Variants in PARP1 observed in about 807,000 individuals in gnomAD.
PARP1 encodes the protein poly [ADP-ribose] polymerase 1.
A neutral mutation model predicts 118.7 loss-of-function variants in PARP1; 44 were observed. That is an observed-to-expected ratio of 0.37 (90% CI 0.29 to 0.48). The LOEUF (loss-of-function observed/expected upper bound fraction) is 0.48. Among genes scored for constraint, PARP1 ranks in the 20% least tolerant of loss-of-function variants. PARP1 has a pLI of 0.99. For synonymous variants in PARP1, 492 were observed against 483.2 expected, an observed-to-expected ratio of 1.02 and a Z score of -0.24; for missense variants, 1,100 against 1,272.4, an observed-to-expected ratio of 0.86 and a Z score of 2.06.
rs777807405 is a variant in PARP1 at position 226,361,433 on chromosome 1, C to T, written c.*27G>A. The stretch of plus-strand genomic sequence containing the variant: ...TCGGGTGAATTCATACCAGAGCCAC[C>T]GGGTGTGACTCGGCTACCTCTCCCA... On this transcript the variant is annotated 3_prime_UTR_variant, in exon 23 of 23. Coordinates refer to ENST00000366794, the MANE Select transcript of PARP1 (RefSeq NM_001618.4). The T allele has an allele frequency of 1.1e-5, 17 of 1,503,226 alleles. No individual in the cohort carries two copies. The highest frequency in any genetic ancestry group is 1.4e-5 in the Non-Finnish European group (15 of 1,079,906). The allele number at this position is 1,503,226 out of a possible 1,614,324, so 93.1% of individuals were successfully genotyped here.
rs2102747095 is a variant in PARP1, at chr1:226,402,206, G to A, written c.286+8C>T. 2 of 1,614,206 alleles carry A rather than the reference G, an allele frequency of 1.2e-6. No individual in the cohort carries two copies. Among genetic ancestry groups the A allele is most frequent in the Non-Finnish European group, 8.5e-7 (1 of 1,180,034 alleles). On this transcript the variant is annotated splice_region_variant and intron_variant, in intron 2 of 22. Coordinates refer to ENST00000366794, the MANE Select transcript of PARP1 (RefSeq NM_001618.4). ...CTGAATGCCCATGCTGCCCCAGTAT[G>A]TACACACCTGTCACTCCTCCAGCTT...
At chr1:226,407,704 G>A (rs1665179853) in intron 1 of PARP1, 106 bp downstream of exon 1, 2 of 1,169,456 alleles carry the variant, frequency 1.7e-6, no homozygotes, top group Non-Finnish European at 2.3e-6. Context: ...CCGCTCCGAG[G>A]GCCCGGGCCC....
At chr1:226,371,878 A>G (rs2102730925) in intron 14 of PARP1, among the ~76,000 whole-genome samples, 1 of 152,298 alleles carries the variant, frequency 6.6e-6, no homozygotes, top group South Asian at 2.1e-4. Flanking sequence ...GACTAAAAAT[A>G]AGAGGTGGGC....
intron 13 of PARP1, among the ~76,000 whole-genome samples, chr1:226,375,623 A>T (rs917807187): frequency 7.9e-5 from 12 of 152,212 alleles, no homozygotes; most frequent in African/African-American, 2.7e-4. Context: ...ACTAAAAGGG[A>T]AATTTTCTCA....
At chr1:226,379,785 G>A (rs772486469) in intron 10 of PARP1, 137 bp downstream of exon 10, 193 of 1,441,172 alleles carry the variant, frequency 1.3e-4, no homozygotes, top group Non-Finnish European at 1.7e-4. Context: ...ACCCCAAAGC[G>A]CCTGCCATTC....
chr1:226,391,007 T>G (rs1664811408), intron 3 of PARP1, among the ~76,000 whole-genome samples: 1 of 151,594 alleles, frequency 6.6e-6, no homozygotes, highest in Non-Finnish European at 1.5e-5. Context: ...GCACTTTTTT[T>G]TTTTTTTTTT....
intron 2 of PARP1, among the ~76,000 whole-genome samples, chr1:226,395,524 A>C (rs2102743704): frequency 6.6e-6 from 1 of 152,246 alleles, no homozygotes; most frequent in Non-Finnish European, 1.5e-5. Context: ...GCATGCCTAT[A>C]ATCCCAGCTA....
chr1:226,387,994 A>G (rs1664748163), intron 5 of PARP1, among the ~76,000 whole-genome samples: 1 of 152,228 alleles, frequency 6.6e-6, no homozygotes, highest in African/African-American at 2.4e-5. Flanking sequence ...TAGAAGAGAC[A>G]CAAGCAGATG....
intron 13 of PARP1, among the ~76,000 whole-genome samples, chr1:226,375,014 T>C (rs1404702283): frequency 6.6e-6 from 1 of 152,356 alleles, no homozygotes; most frequent in East Asian, 1.9e-4. Flanking sequence ...TTTAACTCTT[T>C]AGACTTGAAC....
intron 13 of PARP1, 115 bp from the exon 14 acceptor site, chr1:226,374,469 A>G (rs1251228947): frequency 8.2e-7 from 1 of 1,213,308 alleles, no homozygotes; most frequent in African/African-American, 1.5e-5. Context: ...CACCAGCAAA[A>G]AAAGCTGAGT....
Position 226,361,389 on chromosome 1 carries a change from G to C in PARP1, c.*71C>G. The C allele has an allele frequency of 1.0e-6, 1 of 957,932 alleles. No homozygotes were observed. 59.3% of individuals were successfully genotyped at this position (957,932 alleles called of 1,614,324 possible). ...CCCATCAGCAACTTAGCGGCCAGGTGAGTTGGTGCAGAAGCGCTTCGGGTG... is the reference window on the plus strand; with the variant it reads ...CCCATCAGCAACTTAGCGGCCAGGTCAGTTGGTGCAGAAGCGCTTCGGGTG... On this transcript the variant is annotated 3_prime_UTR_variant, in exon 23 of 23. Coordinates refer to ENST00000366794, the MANE Select transcript of PARP1 (RefSeq NM_001618.4).
intron 1 of PARP1, among the ~76,000 whole-genome samples, chr1:226,407,442 T>G (rs779859806): frequency 6.7e-6 from 1 of 150,082 alleles, no homozygotes; most frequent in South Asian, 2.1e-4. Flanking sequence ...CAGAACAAGA[T>G]AGGTCAAAAT....
intron 14 of PARP1, among the ~76,000 whole-genome samples, chr1:226,373,108 A>G (rs1284801159): frequency 2.6e-5 from 4 of 152,160 alleles, no homozygotes; most frequent in African/African-American, 9.7e-5. Context: ...GTTGGCCCTG[A>G]TGTCCATGCG....
intron 8 of PARP1, among the ~76,000 whole-genome samples, chr1:226,381,547 C>T (rs1664607068): frequency 1.4e-5 from 2 of 142,854 alleles, no homozygotes; most frequent in Admixed American, 6.7e-5. Context: ...AGGCTGGAGT[C>T]GGATGGGAAG....
At chr1:226,384,474 G>A (rs1438282474) in intron 7 of PARP1, among the ~76,000 whole-genome samples, 1 of 152,244 alleles carries the variant, frequency 6.6e-6, no homozygotes, top group African/African-American at 2.4e-5. Context: ...CTTTAAAAAT[G>A]TATATAGATG....
intron 2 of PARP1, among the ~76,000 whole-genome samples, chr1:226,394,839 C>T (rs1327713313): frequency 6.6e-6 from 1 of 152,044 alleles, no homozygotes; most frequent in Non-Finnish European, 1.5e-5. Context: ...ACCAGTATAA[C>T]CTTGGGTCAG....
intron 15 of PARP1, among the ~76,000 whole-genome samples, chr1:226,370,133 A>G (rs1276418390): frequency 6.6e-6 from 1 of 152,124 alleles, no homozygotes; most frequent in Non-Finnish European, 1.5e-5. Flanking sequence ...ATCCCCGAGG[A>G]TACAGAGGGA....
At chr1:226,384,114 G>A (rs182271641) in intron 7 of PARP1, among the ~76,000 whole-genome samples, 26 of 152,354 alleles carry the variant, frequency 1.7e-4, no homozygotes, top group African/African-American at 6.3e-4. Context: ...TGGAGGCAGT[G>A]ATCTGCTAAG....
Position 226,370,424 on chromosome 1 carries a change from C to CT in PARP1, c.2154+9dup, listed in dbSNP as rs776260874. 6.2e-7 allele frequency: 1 copy of CT among 1,610,078 alleles called. No homozygotes were observed. The highest frequency in any genetic ancestry group is 1.1e-5 in the South Asian group (1 of 91,004). On this transcript the variant is annotated intron_variant, in intron 15 of 22. Coordinates refer to ENST00000366794, the MANE Select transcript of PARP1 (RefSeq NM_001618.4). The stretch of plus-strand genomic sequence containing the variant: ...GGGTTCCAGGAGGCCCCTGGTAGCC[C>CT]TGTGCTTACCTGCTGGACCTCACTG...
Sources: allele counts gnomAD v4.1 joint callset (sites outside exome capture counted in the v4.1 genomes callset), GRCh38; gene constraint gnomAD v4.1.1; transcripts MANE v1.5; gene names NCBI Gene and HGNC (gene_info 2026-07-23, HGNC 2026-07-21).